The following MKX variants were observed in gnomAD, a reference collection of about 807,000 sequenced individuals.
MKX encodes the protein homeobox protein Mohawk.
A neutral mutation model predicts 36.0 loss-of-function variants in MKX; 13 were observed. The ratio of observed to expected loss-of-function variants is 0.36; its 90% CI spans 0.24 to 0.57. MKX has a LOEUF of 0.57. Ranked by LOEUF, MKX falls within the 20% of genes least tolerant of loss-of-function variation. The pLI is 0.79. For synonymous variants in MKX, 176 were observed against 178.3 expected (o/e 0.99, Z 0.10); for missense variants, 458 against 456.4 (o/e 1.00, Z -0.03).
intron 5 of MKX, among the ~76,000 whole-genome samples, chr10:27,698,624 G>A (rs1337592309): frequency 6.6e-6 from 1 of 152,190 alleles, no homozygotes; most frequent in Non-Finnish European, 1.5e-5. Context: ...GCTTCACTTT[G>A]AAGGACGCAG....
chr10:27,712,637 T>G (rs1836893045), intron 5 of MKX, among the ~76,000 whole-genome samples: 1 of 152,168 alleles, frequency 6.6e-6, no homozygotes, highest in Non-Finnish European at 1.5e-5. Flanking sequence ...AGACAAGTAG[T>G]GCTCTGTAGG....
intron 5 of MKX, among the ~76,000 whole-genome samples, chr10:27,712,656 T>C (rs1836893226): frequency 6.6e-6 from 1 of 152,190 alleles, no homozygotes; most frequent in South Asian, 2.1e-4. Flanking sequence ...GGAAATCATA[T>C]AAACTGCTGT....
At chr10:27,731,182 G>A (rs909051480) in intron 5 of MKX, among the ~76,000 whole-genome samples, 1 of 148,918 alleles carries the variant, frequency 6.7e-6, no homozygotes, top group African/African-American at 2.5e-5. Context: ...GCAATAAATT[G>A]TAACAAAAAC....
At position 27,734,523 on chromosome 10, in the gene MKX, A is replaced by G. The variant is rs1215153437; in HGVS notation, c.771T>C (p.Asn257=). 1 of 1,614,078 alleles carries G rather than the reference A, an allele frequency of 6.2e-7. No individual in the cohort carries two copies. The highest frequency in any genetic ancestry group is 8.5e-7 in the Non-Finnish European group (1 of 1,180,050). ...QRNHSGSFSS[N]EFEEELVSPS... ...GAGACACTAATTCTTCCTCAAATTC[A>G]TTGGAGCTAAAAGATCCCGAGTGGT... is the stretch of plus-strand genomic sequence containing the variant. The change falls in exon 5 of 7, where the codon AAT becomes AAC. Residue 257 remains asparagine, a synonymous_variant. Coordinates refer to ENST00000419761, the MANE Select transcript of MKX (RefSeq NM_173576.3).
intron 3 of MKX, among the ~76,000 whole-genome samples, chr10:27,736,645 T>C (rs961896466): frequency 6.6e-6 from 1 of 152,064 alleles, no homozygotes; most frequent in Non-Finnish European, 1.5e-5. Context: ...TTCTACTTTT[T>C]TTTTTCTAGA....
chr10:27,694,563 C>T (rs564594398), intron 5 of MKX, among the ~76,000 whole-genome samples: 131 of 146,348 alleles, frequency 9.0e-4, no homozygotes, highest in Non-Finnish European at 1.4e-3. Context: ...GAGTGTGTGG[C>T]GGGCGCCTGT....
intron 5 of MKX, among the ~76,000 whole-genome samples, chr10:27,710,125 C>T (rs992783337): frequency 6.6e-6 from 1 of 152,270 alleles, no homozygotes; most frequent in South Asian, 2.1e-4. Flanking sequence ...GCTCTCTAGG[C>T]AGAATGAACA....
chr10:27,701,514 T>C (rs1836654378), intron 5 of MKX, among the ~76,000 whole-genome samples: 1 of 145,580 alleles, frequency 6.9e-6, no homozygotes, highest in Non-Finnish European at 1.5e-5. Context: ...AAAGATATAT[T>C]ATATTTAATA....
At chr10:27,703,496 T>C (rs1028343829) in intron 5 of MKX, among the ~76,000 whole-genome samples, 62 of 145,530 alleles carry the variant, frequency 4.3e-4, no homozygotes, top group African/African-American at 1.6e-3. Context: ...TTCAATGCAA[T>C]AAGCTAGAGA....
chr10:27,701,205 A>G (rs1420233798), intron 5 of MKX, among the ~76,000 whole-genome samples: 7 of 152,030 alleles, frequency 4.6e-5, no homozygotes, highest in Non-Finnish European at 8.8e-5. Context: ...AAGTGATGAC[A>G]CTGCTACTGT....
At chr10:27,729,292 CTTT>C (rs57352901) in intron 5 of MKX, among the ~76,000 whole-genome samples, 1 of 118,072 alleles carries the variant, frequency 8.5e-6, no homozygotes. Context: ...TGCACTAGGC[CTTT>C]TTTTTTTTTT....
intron 5 of MKX, among the ~76,000 whole-genome samples, chr10:27,708,068 G>C (rs1836787830): frequency 6.6e-6 from 1 of 152,070 alleles, no homozygotes; most frequent in Non-Finnish European, 1.5e-5. Flanking sequence ...TCTACATTTT[G>C]TTCTTAAAGA....
chr10:27,687,572 C>G (rs1199314136), intron 5 of MKX, among the ~76,000 whole-genome samples: 2 of 152,122 alleles, frequency 1.3e-5, no homozygotes, highest in Non-Finnish European at 2.9e-5. Context: ...CTTCTGGCCT[C>G]GTCAGTCTGG....
At chr10:27,697,496 C>A (rs1836576411) in intron 5 of MKX, among the ~76,000 whole-genome samples, 1 of 152,124 alleles carries the variant, frequency 6.6e-6, no homozygotes, top group African/African-American at 2.4e-5. Flanking sequence ...TCAAAACAAT[C>A]CCCAATTTAT....
At chr10:27,676,549 T>A (rs978593885) in intron 5 of MKX, among the ~76,000 whole-genome samples, 5 of 151,918 alleles carry the variant, frequency 3.3e-5, no homozygotes, top group African/African-American at 1.2e-4. Flanking sequence ...GGCTAATTTT[T>A]GTATTTTTAG....
intron 5 of MKX, among the ~76,000 whole-genome samples, chr10:27,699,465 C>T (rs888450962): frequency 1.3e-5 from 2 of 152,190 alleles, no homozygotes; most frequent in Admixed American, 1.3e-4. Flanking sequence ...TTAATGACAA[C>T]ACAAAGCTCC....
At chr10:27,703,489 A>G (rs1836696533) in intron 5 of MKX, among the ~76,000 whole-genome samples, 1 of 150,778 alleles carries the variant, frequency 6.6e-6, no homozygotes, top group South Asian at 2.1e-4. Context: ...AGTAAAATTC[A>G]ATGCAATAAG....
At chr10:27,682,280 G>C (rs1429363781) in intron 5 of MKX, among the ~76,000 whole-genome samples, 3 of 152,168 alleles carry the variant, frequency 2.0e-5, no homozygotes, top group Non-Finnish European at 2.9e-5. Flanking sequence ...GTTATTACAA[G>C]AGTCAAAACT....
At position 27,717,607 on chromosome 10, in the gene MKX, C is replaced by G. The variant is rs141424850; in HGVS notation, c.838+16849G>C. Reference sequence around the variant, plus strand: ...TGACATTGCCCATCAGCATCTCCAACAGGATATACAGAAACATTGGAAAAG... The same window carrying G: ...TGACATTGCCCATCAGCATCTCCAAGAGGATATACAGAAACATTGGAAAAG... On this transcript the variant is annotated intron_variant, in intron 5 of 6. Coordinates refer to ENST00000419761, the MANE Select transcript of MKX (RefSeq NM_173576.3). Among the ~76,000 whole-genome samples, 606 of 152,310 alleles carry G rather than the reference C, an allele frequency of 4.0e-3. 1 individual carries two copies. The highest frequency in any genetic ancestry group is 6.7e-3 in the Non-Finnish European group (455 of 68,032).
Sources: allele counts gnomAD v4.1 joint callset (sites outside exome capture counted in the v4.1 genomes callset), GRCh38; gene constraint gnomAD v4.1.1; transcripts MANE v1.5; gene names NCBI Gene and HGNC (gene_info 2026-07-23, HGNC 2026-07-21).